TSACC: variants seen among roughly 807,000 people sequenced by gnomAD.
TSACC encodes the protein TSSK6 activating cochaperone.
TSACC carries 3 observed loss-of-function variants against 6.9 expected under a neutral mutation model. The ratio of observed to expected loss-of-function variants is 0.43; its 90% CI spans 0.20 to 1.12. The LOEUF (loss-of-function observed/expected upper bound fraction) is 1.12, where lower values mean the gene tolerates loss of function less well. Ranked by LOEUF, TSACC falls within the 50% of genes most tolerant of loss-of-function variation. The pLI, the probability that TSACC is intolerant of heterozygous loss-of-function variation, is 0.28. For missense variants in TSACC, 137 were observed against 143.9 expected, an observed-to-expected ratio of 0.95 and a Z score of 0.24; for synonymous variants, 54 against 55.1, an observed-to-expected ratio of 0.98 and a Z score of 0.09.
chr1:156,345,517 T>C (rs1049968245), intron 3 of TSACC, among the ~76,000 whole-genome samples: 6 of 150,606 alleles, frequency 4.0e-5, no homozygotes, highest in African/African-American at 1.5e-4. Flanking sequence ...GAGCCAAGAC[T>C]GGGCCATTGC....
At position 156,344,617 on chromosome 1, in the gene TSACC, TA is replaced by T. The variant is rs1666068137; in HGVS notation, c.73del (p.Arg25GlufsTer21). 2 of 1,613,994 alleles carry T rather than the reference TA, an allele frequency of 1.2e-6. No homozygotes were observed. Among genetic ancestry groups the T allele is most frequent in the Non-Finnish European group, 8.5e-7 (1 of 1,180,000 alleles). ...AGGAAGCTAATGCTGTGCCTCTCTG[TA>T]GAGCAAAACCCTCCCCCAGCTATAT... ...KEEANAVPLCRAKPSPSYINL... is the reference protein window; with the variant it reads ...KEEANAVPLCXAKPSPSYINL... On this transcript the variant is annotated frameshift_variant, in exon 3 of 4. Transcript: ENST00000368254. LOFTEE classifies it high-confidence loss of function.
At chr1:156,346,467 G>A (rs952750324) in intron 3 of TSACC, among the ~76,000 whole-genome samples, 3 of 152,148 alleles carry the variant, frequency 2.0e-5, no homozygotes, top group African/African-American at 4.8e-5. Flanking sequence ...TGGAGCTTAC[G>A]TTCTAGAAGG....
At chr1:156,339,263 A>C (rs1254097835) in intron 1 of TSACC, among the ~76,000 whole-genome samples, 4 of 46,718 alleles carry the variant, frequency 8.6e-5, no homozygotes, top group Non-Finnish European at 1.9e-4. Flanking sequence ...ACTCCATCTC[A>C]AAAAAAAAAA....
intron 3 of TSACC, among the ~76,000 whole-genome samples, chr1:156,346,193 C>CA (rs60688957): frequency 0.057 from 2,995 of 52,826 alleles, 79 homozygotes; most frequent in African/African-American, 0.14. Context: ...ACTCCGTCTC[C>CA]AAAAAAAAAA....
At chr1:156,342,802 G>T (rs1001111989) in intron 2 of TSACC, among the ~76,000 whole-genome samples, 1 of 152,220 alleles carries the variant, frequency 6.6e-6, no homozygotes, top group African/African-American at 2.4e-5. Flanking sequence ...TATCCACAGC[G>T]ATGACACATA....
intron 2 of TSACC, among the ~76,000 whole-genome samples, chr1:156,342,837 A>G (rs867024819): frequency 6.6e-6 from 1 of 152,242 alleles, no homozygotes; most frequent in South Asian, 2.1e-4. Context: ...TCTTATGTGT[A>G]TGATGAAAAT....
intron 2 of TSACC, among the ~76,000 whole-genome samples, chr1:156,342,086 A>G (rs997702232): frequency 2.0e-5 from 3 of 152,104 alleles, no homozygotes; most frequent in African/African-American, 7.2e-5. Context: ...AAAGAAAGAA[A>G]AAAAAATGCA....
chr1:156,346,804 A>G lies in TSACC; in HGVS notation c.200A>G (p.Glu67Gly). The change falls in exon 4 of 4, where the codon GAA becomes GGA. Residue 67 changes from glutamate (E) to glycine (G), a missense_variant. Physicochemically the swap from Glu to Gly is moderately conservative, Grantham distance 98. Transcript: ENST00000368254. Reference protein sequence around the residue: ...HKPKECLGLLECMYANLQLQT... With the variant: ...HKPKECLGLLGCMYANLQLQT... ...CCCAAGGAATGCCTAGGACTCCTGGAATGTATGTATGCAAACCTCCAGCTT... is the reference window on the plus strand; with the variant it reads ...CCCAAGGAATGCCTAGGACTCCTGGGATGTATGTATGCAAACCTCCAGCTT... 1 of 1,614,144 alleles carries G rather than the reference A, an allele frequency of 6.2e-7. No individual in the cohort carries two copies. The highest frequency in any genetic ancestry group is 8.5e-7 in the Non-Finnish European group (1 of 1,180,026).
At chr1:156,344,491 C>G (rs903166207) in intron 2 of TSACC, 89 bp from the exon 3 acceptor site, 7 of 1,516,888 alleles carry the variant, frequency 4.6e-6, no homozygotes, top group African/African-American at 1.4e-5. Flanking sequence ...AGGGCCTGGG[C>G]ACCTGCTTTC....
upstream of TSACC, chr1:156,337,866 G>A (rs1397995983): frequency 6.0e-6 from 3 of 503,842 alleles, no homozygotes; most frequent in Non-Finnish European, 1.1e-5. Context: ...GCAGGGGCGG[G>A]GGAAGCGTGG....
intron 2 of TSACC, among the ~76,000 whole-genome samples, chr1:156,342,150 AT>A (rs1297013423): frequency 6.6e-6 from 1 of 152,188 alleles, no homozygotes; most frequent in Non-Finnish European, 1.5e-5. Context: ...TTGCATGGAA[AT>A]TAACACATTT....
upstream of TSACC, chr1:156,338,068 T>TG (rs920944649): frequency 5.6e-6 from 8 of 1,438,674 alleles, no homozygotes; most frequent in African/African-American, 9.9e-5. Context: ...GCCCGGTCAG[T>TG]GGGGGACGGA....
chr1:156,337,824 A>G, upstream of TSACC: 1 of 398,614 alleles, frequency 2.5e-6, no homozygotes. Context: ...TTATTCGTGC[A>G]GCTACATAGC....
chr1:156,338,628 T>C (rs1665588526), intron 1 of TSACC, 23 bp downstream of exon 1: 1 of 197,074 alleles, frequency 5.1e-6, no homozygotes, highest in African/African-American at 2.3e-5. Flanking sequence ...AACTGTGTAT[T>C]GCGACTCGGC....
At position 156,339,756 on chromosome 1, in the gene TSACC, A is replaced by G; in HGVS notation, c.-2A>G. ...CCAGGCACCACACCTGTTGGTGTTCAGATGGAGCGGCACACTAGTCATCCT... is the reference window on the plus strand; with the variant it reads ...CCAGGCACCACACCTGTTGGTGTTCGGATGGAGCGGCACACTAGTCATCCT... On this transcript the variant is annotated 5_prime_UTR_variant, in exon 2 of 4. Coordinates refer to ENST00000368254, the MANE Select transcript of TSACC (RefSeq NM_001304817.2). 6.2e-7 allele frequency: 1 copy of G among 1,614,158 alleles called. No individual in the cohort carries two copies. The highest frequency in any genetic ancestry group is 8.5e-7 in the Non-Finnish European group (1 of 1,180,004).
chr1:156,343,902 G>A (rs768598336), intron 2 of TSACC, among the ~76,000 whole-genome samples: 6 of 151,926 alleles, frequency 3.9e-5, no homozygotes, highest in Non-Finnish European at 7.4e-5. Flanking sequence ...CACCACGCCC[G>A]GCTAGTTTTG....
chr1:156,340,400 C>A (rs541308622), intron 2 of TSACC, among the ~76,000 whole-genome samples: 1 of 151,970 alleles, frequency 6.6e-6, no homozygotes, highest in Non-Finnish European at 1.5e-5. Context: ...ACCTTGTGAT[C>A]CAACTGCCTT....
chr1:156,345,526 G>A (rs2101718521), intron 3 of TSACC, among the ~76,000 whole-genome samples: 1 of 151,532 alleles, frequency 6.6e-6, no homozygotes, highest in East Asian at 2.0e-4. Flanking sequence ...CTGGGCCATT[G>A]CACTCCAGCC....
chr1:156,341,193 T>G (rs1665864802), intron 2 of TSACC, among the ~76,000 whole-genome samples: 1 of 152,186 alleles, frequency 6.6e-6, no homozygotes, highest in Admixed American at 6.5e-5. Context: ...ACATTTAAAT[T>G]AACTGCTACT....
Sources: gnomAD v4.1 joint callset for allele counts (sites outside exome capture counted in the v4.1 genomes callset) on GRCh38, gnomAD v4.1.1 for gene constraint, MANE v1.5 for transcripts, NCBI Gene and HGNC (gene_info 2026-07-23, HGNC 2026-07-21) for gene names.